Variants in SYK observed in about 807,000 individuals in gnomAD.
The protein encoded by SYK is tyrosine-protein kinase SYK.
Under a neutral mutation model 77.8 loss-of-function variants are expected in SYK, and 16 were observed. The observed-to-expected ratio is 0.21, with a 90% confidence interval of 0.14 to 0.31. The LOEUF is 0.31. SYK is among the 10% of genes least tolerant of loss of function. SYK has a pLI of 1.00. For missense variants in SYK, 529 were observed against 814.4 expected (o/e 0.65, Z 4.26); for synonymous variants, 312 against 308.7 (o/e 1.01, Z -0.11).
At chr9:90,862,175 G>C (rs748365175) in intron 3 of SYK, 31 bp from the exon 4 acceptor site, 1 of 1,572,052 alleles carries the variant, frequency 6.4e-7, no homozygotes, top group East Asian at 2.3e-5. Context: ...TGGCGGGCCT[G>C]GGGATGATGC....
chr9:90,842,758 AGTGTGTGTGTGTGTGT>A (rs60139969), intron 1 of SYK, among the ~76,000 whole-genome samples: 2 of 58,350 alleles, frequency 3.4e-5, no homozygotes, highest in East Asian at 9.3e-4. Flanking sequence ...GTATGGAGAG[AGTGTGTGTGTGTGTGT>A]GTGTGTGTGT....
At chr9:90,803,908 A>T (rs115137365) in intron 1 of SYK, among the ~76,000 whole-genome samples, 2,728 of 152,194 alleles carry the variant, frequency 0.018, 77 homozygotes, top group African/African-American at 0.062. Context: ...GTACTTTTAC[A>T]TTTAAGAACA....
chr9:90,850,005 T>C (rs2118684927), intron 3 of SYK, among the ~76,000 whole-genome samples: 1 of 152,322 alleles, frequency 6.6e-6, no homozygotes, highest in Non-Finnish European at 1.5e-5. Context: ...ACTCTTTCCA[T>C]CCCTGCATCA....
intron 1 of SYK, among the ~76,000 whole-genome samples, chr9:90,830,836 C>T (rs1406330446): frequency 1.3e-5 from 2 of 152,150 alleles, no homozygotes; most frequent in African/African-American, 2.4e-5. Flanking sequence ...CCACCCGCCT[C>T]AGCCTCCCAA....
intron 1 of SYK, among the ~76,000 whole-genome samples, chr9:90,835,423 T>G (rs960918606): frequency 6.6e-6 from 1 of 152,160 alleles, no homozygotes; most frequent in Non-Finnish European, 1.5e-5. Context: ...GCTTGGGTGA[T>G]ATGAAATTGT....
chr9:90,883,445 C>T (rs1351058707), intron 11 of SYK, among the ~76,000 whole-genome samples: 1 of 152,088 alleles, frequency 6.6e-6, no homozygotes, highest in Non-Finnish European at 1.5e-5. Context: ...ACAAATACCA[C>T]CACCACTGCT....
chr9:90,816,775 G>A (rs1291289691), intron 1 of SYK, among the ~76,000 whole-genome samples: 7 of 152,188 alleles, frequency 4.6e-5, no homozygotes, highest in Admixed American at 3.3e-4. Context: ...TTCCACATAT[G>A]AGTGAGATCA....
chr9:90,863,524 T>C (rs76228444), intron 4 of SYK, among the ~76,000 whole-genome samples: 5,993 of 152,312 alleles, frequency 0.039, 162 homozygotes, highest in Non-Finnish European at 0.063. Flanking sequence ...AAATACTCCT[T>C]TTTTGAATGC....
Position 90,895,221 on chromosome 9 carries a change from C to A in SYK, c.1836-307C>A, listed in dbSNP as rs1828939936. 6.6e-6 allele frequency among the ~76,000 whole-genome samples: 1 copy of A among 152,170 alleles called. No homozygotes were observed. The highest frequency in any genetic ancestry group is 1.5e-5 in the Non-Finnish European group (1 of 68,040). On this transcript the variant is annotated intron_variant, in intron 13 of 13. Transcript: ENST00000375754. This position sits in a 1 kb window ranked among gnomAD's most constrained non-coding sequence, Gnocchi z 4.4. ...GCATATTGTGTGCCGCATATCTGAA[C>A]CTGGGGCTAAAACACTCCCAGTTCT... is the stretch of plus-strand genomic sequence containing the variant.
chr9:90,874,464 C>G (rs1248475706), intron 8 of SYK, among the ~76,000 whole-genome samples, 173 bp downstream of exon 8: 1 of 152,200 alleles, frequency 6.6e-6, no homozygotes, highest in Non-Finnish European at 1.5e-5. Context: ...TGCCCATGAG[C>G]AGTGATGGTG....
chr9:90,853,928 T>C (rs1826917410), intron 3 of SYK, among the ~76,000 whole-genome samples: 1 of 151,898 alleles, frequency 6.6e-6, no homozygotes, highest in Non-Finnish European at 1.5e-5. Context: ...CAGCAAGAGA[T>C]TCACGGGGTA....
chr9:90,890,940 G>A (rs1828758853), intron 13 of SYK, among the ~76,000 whole-genome samples: 3 of 152,172 alleles, frequency 2.0e-5, no homozygotes, highest in Admixed American at 2.0e-4. Context: ...TTCCTGCAGA[G>A]AGACAAGGGC....
chr9:90,889,286 C>A (rs1473401234), intron 13 of SYK, among the ~76,000 whole-genome samples: 1 of 152,236 alleles, frequency 6.6e-6, no homozygotes, highest in Non-Finnish European at 1.5e-5. Context: ...GGCTCAGCAG[C>A]CTGCTTGTGC....
At position 90,897,584 on chromosome 9, in the gene SYK, G is replaced by A. The variant is rs200782311; in HGVS notation, c.*1984G>A. ...CAGGCCCCGTGCTCGTAGGAATACG[G>A]TAGCACCTATGTAGGAAGTGCGTGG... is the stretch of plus-strand genomic sequence containing the variant. On this transcript the variant is annotated 3_prime_UTR_variant, in exon 14 of 14. Transcript: ENST00000375754. The A allele has an allele frequency of 2.2e-5, 5 of 229,730 alleles. No individual in the cohort carries two copies. Among genetic ancestry groups the A allele is most frequent in the Non-Finnish European group, 4.3e-5 (5 of 115,846 alleles). The allele number at this position is 229,730 out of a possible 1,614,324, so 14.2% of individuals were successfully genotyped here.
intron 1 of SYK, among the ~76,000 whole-genome samples, chr9:90,824,926 TC>T (rs1423830299): frequency 6.6e-6 from 1 of 152,078 alleles, no homozygotes; most frequent in Non-Finnish European, 1.5e-5. Context: ...AAATAAGACA[TC>T]TTTTTTCACA....
intron 11 of SYK, among the ~76,000 whole-genome samples, chr9:90,881,134 T>G (rs1828135005): frequency 6.6e-6 from 1 of 152,146 alleles, no homozygotes; most frequent in African/African-American, 2.4e-5. Context: ...ACCACCCTTT[T>G]GAGGAGAAGT....
intron 2 of SYK, 74 bp from the exon 3 acceptor site, chr9:90,845,360 G>A: frequency 6.6e-7 from 1 of 1,504,252 alleles, no homozygotes; most frequent in Non-Finnish European, 9.0e-7. Flanking sequence ...ACTCGAGATA[G>A]ATTGGAAATG....
In SYK at chr9:90,865,288, T is replaced by C. The variant is rs77961948; in HGVS notation, c.846+191T>C. ...TCCTATTAGTGATAAACTAACCACATTTTCTTTTCTTTTTTTCTTTTGCTT... is the reference window on the plus strand; with the variant it reads ...TCCTATTAGTGATAAACTAACCACACTTTCTTTTCTTTTTTTCTTTTGCTT... On this transcript the variant is annotated intron_variant, in intron 6 of 13. Coordinates refer to ENST00000375754, the MANE Select transcript of SYK (RefSeq NM_003177.7). 5.6e-3 allele frequency among the ~76,000 whole-genome samples: 859 copies of C among 152,164 alleles called. 6 individuals carry two copies. Among genetic ancestry groups the C allele is most frequent in the Non-Finnish European group, 9.0e-3 (615 of 67,984 alleles).
intron 11 of SYK, among the ~76,000 whole-genome samples, chr9:90,886,332 A>G (rs1483107655): frequency 6.6e-6 from 1 of 152,228 alleles, no homozygotes; most frequent in Non-Finnish European, 1.5e-5. Context: ...CAGATGCAGG[A>G]AAAAAAGGAA....
Sources: gnomAD v4.1 joint callset for allele counts (sites outside exome capture counted in the v4.1 genomes callset) on GRCh38, gnomAD v4.1.1 for gene constraint, Gnocchi (gnomAD v3.1) non-coding constraint, MANE v1.5 for transcripts, NCBI Gene and HGNC (gene_info 2026-07-23, HGNC 2026-07-21) for gene names.